Variants in FBN2 observed in about 807,000 individuals in gnomAD.
FBN2 encodes fibrillin-2.
FBN2 carries 105 observed loss-of-function variants against 355.6 expected under a neutral mutation model. The ratio of observed to expected loss-of-function variants is 0.30; its 90% confidence interval spans 0.25 to 0.35. The LOEUF is 0.35. Among genes scored for constraint, FBN2 ranks in the 10% least tolerant of loss-of-function variants. FBN2 has a pLI of 1.00. For missense variants in FBN2, 3,280 were observed against 3,758.7 expected, an observed-to-expected ratio of 0.87 and a Z score of 3.33; for synonymous variants, 1,350 against 1,301.2, an observed-to-expected ratio of 1.04 and a Z score of -0.81.
intron 7 of FBN2, among the ~76,000 whole-genome samples, chr5:128,415,700 C>A (rs1173353377): frequency 6.6e-6 from 1 of 152,056 alleles, no homozygotes; most frequent in African/African-American, 2.4e-5. Context: ...ATAATAATTT[C>A]CTTTGAATAA....
At chr5:128,281,816 G>A (rs1018386561) in intron 55 of FBN2, among the ~76,000 whole-genome samples, 35 of 152,196 alleles carry the variant, frequency 2.3e-4, no homozygotes, top group African/African-American at 8.4e-4. Context: ...CTCCTGAGTA[G>A]CTGGGACTAC....
At chr5:128,447,839 T>C (rs1186244330) in intron 6 of FBN2, among the ~76,000 whole-genome samples, 4 of 152,212 alleles carry the variant, frequency 2.6e-5, no homozygotes, top group African/African-American at 4.8e-5. Context: ...TCTTTCCCTT[T>C]ATTTCTCAGA....
At chr5:128,498,261 T>C (rs1362670335) in intron 5 of FBN2, among the ~76,000 whole-genome samples, 1 of 152,342 alleles carries the variant, frequency 6.6e-6, no homozygotes, top group African/African-American at 2.4e-5. Flanking sequence ...AAATCTCATA[T>C]ATTTTCTTGT....
chr5:128,447,912 G>A (rs967083535), intron 6 of FBN2, among the ~76,000 whole-genome samples: 13 of 152,152 alleles, frequency 8.5e-5, no homozygotes, highest in African/African-American at 2.7e-4. Flanking sequence ...TATTGGGGGC[G>A]GGTTCCCCCA....
chr5:128,267,764 G>A (rs1765154174), intron 62 of FBN2, among the ~76,000 whole-genome samples: 1 of 152,138 alleles, frequency 6.6e-6, no homozygotes, highest in African/African-American at 2.4e-5. Flanking sequence ...CTTCCATTCT[G>A]TAGGTTGCTT....
At chr5:128,360,326 T>C (rs557117247) in intron 19 of FBN2, among the ~76,000 whole-genome samples, 23 of 152,224 alleles carry the variant, frequency 1.5e-4, no homozygotes, top group African/African-American at 5.3e-4. Flanking sequence ...TGTAGTTGAA[T>C]ACATTTGAGA....
intron 25 of FBN2, among the ~76,000 whole-genome samples, 159 bp downstream of exon 25, chr5:128,344,226 G>A (rs909976354): frequency 1.3e-5 from 2 of 152,042 alleles, no homozygotes; most frequent in African/African-American, 4.8e-5. Flanking sequence ...ACTCCAGCCT[G>A]GGCGACTAAG....
chr5:128,358,597 A>T (rs1751562234), intron 19 of FBN2, among the ~76,000 whole-genome samples: 1 of 152,112 alleles, frequency 6.6e-6, no homozygotes, highest in Non-Finnish European at 1.5e-5. Context: ...TTTGCTTTTC[A>T]GATTGTTTAT....
At chr5:128,467,681 C>G (rs1754749021) in intron 5 of FBN2, among the ~76,000 whole-genome samples, 1 of 152,060 alleles carries the variant, frequency 6.6e-6, no homozygotes, top group Admixed American at 6.6e-5. Context: ...AGTGTGTTAA[C>G]TAAGTGTAAA....
At chr5:128,396,520 T>C (rs1458311929) in intron 8 of FBN2, among the ~76,000 whole-genome samples, 1 of 152,134 alleles carries the variant, frequency 6.6e-6, no homozygotes, top group East Asian at 1.9e-4. Context: ...CATTATCCAG[T>C]AGGATTTGAT....
intron 7 of FBN2, among the ~76,000 whole-genome samples, chr5:128,417,217 T>G (rs1753228813): frequency 6.6e-6 from 1 of 152,208 alleles, no homozygotes. Flanking sequence ...TCCTGAAAAT[T>G]TACTGAATTT....
chr5:128,355,906 T>C (rs1033727532), intron 20 of FBN2, among the ~76,000 whole-genome samples: 2 of 152,214 alleles, frequency 1.3e-5, no homozygotes, highest in South Asian at 4.1e-4. Context: ...GTCTTTGTTC[T>C]TGTTTAGTTA....
chr5:128,503,587 A>G (rs1014282020), intron 5 of FBN2, among the ~76,000 whole-genome samples: 10 of 152,188 alleles, frequency 6.6e-5, no homozygotes, highest in African/African-American at 2.4e-4. Flanking sequence ...ATGCACAGAT[A>G]CTGGCAGCAT....
At chr5:128,459,886 C>G (rs1754509020) in intron 6 of FBN2, among the ~76,000 whole-genome samples, 1 of 152,128 alleles carries the variant, frequency 6.6e-6, no homozygotes, top group South Asian at 2.1e-4. Flanking sequence ...TGGAAGCATT[C>G]CCTTTGAAAA....
intron 6 of FBN2, among the ~76,000 whole-genome samples, chr5:128,455,421 T>C (rs1310304132): frequency 6.6e-6 from 1 of 152,104 alleles, no homozygotes; most frequent in African/African-American, 2.4e-5. Context: ...AGAATTGATA[T>C]GACTGATTTC....
At chr5:128,283,503 A>G (rs1749043548) in intron 55 of FBN2, among the ~76,000 whole-genome samples, 3 of 152,114 alleles carry the variant, frequency 2.0e-5, no homozygotes, top group South Asian at 2.1e-4. Flanking sequence ...AGAACTTCCT[A>G]TCTTGCTGGC....
chr5:128,271,128 G>C (rs1445675032), intron 62 of FBN2, among the ~76,000 whole-genome samples: 1 of 152,078 alleles, frequency 6.6e-6, no homozygotes, highest in East Asian at 1.9e-4. Context: ...AGACCACAAA[G>C]GATAAAATCA....
At chr5:128,291,766 G>T in intron 48 of FBN2, 112 bp from the exon 49 acceptor site, 4 of 1,050,540 alleles carry the variant, frequency 3.8e-6, no homozygotes. Context: ...ATATTACGTT[G>T]TATGTTTAAC....
At chr5:128,413,443 G>C (rs778556504) in intron 7 of FBN2, among the ~76,000 whole-genome samples, 3 of 151,728 alleles carry the variant, frequency 2.0e-5, no homozygotes, top group Non-Finnish European at 2.9e-5. Flanking sequence ...GACTTCAAAG[G>C]GCAAAAAAAG....
Sources: gnomAD v4.1 joint callset for allele counts (sites outside exome capture counted in the v4.1 genomes callset) on GRCh38, gnomAD v4.1.1 for gene constraint, MANE v1.5 for transcripts, NCBI Gene and HGNC (gene_info 2026-07-23, HGNC 2026-07-21) for gene names.